DDC: variants seen among roughly 807,000 people sequenced by gnomAD.
The protein encoded by DDC is dopa decarboxylase.
DDC carries 43 observed loss-of-function variants against 60.0 expected under a neutral mutation model. The ratio of observed to expected loss-of-function variants is 0.72; its 90% CI spans 0.56 to 0.92. DDC has a LOEUF of 0.92. DDC is among the 40% of genes least tolerant of loss of function. The pLI is 0.00. For synonymous variants in DDC, 232 were observed against 234.6 expected (o/e 0.99, Z 0.10); for missense variants, 573 against 620.2 (o/e 0.92, Z 0.81).
At chr7:50,557,176 T>G (rs927302102) in intron 1 of DDC, among the ~76,000 whole-genome samples, 1 of 152,188 alleles carries the variant, frequency 6.6e-6, no homozygotes, top group African/African-American at 2.4e-5. Flanking sequence ...TCTGCTGACA[T>G]GAAGGAGGAA....
chr7:50,552,211 T>C (rs1423651236), intron 1 of DDC, among the ~76,000 whole-genome samples: 1 of 152,216 alleles, frequency 6.6e-6, no homozygotes, highest in Non-Finnish European at 1.5e-5. Flanking sequence ...TTGTGCTCAT[T>C]TGTAGCTGTT....
At chr7:50,540,195 T>C in intron 2 of DDC, 167 bp from the exon 3 acceptor site, 1 of 663,220 alleles carries the variant, frequency 1.5e-6, no homozygotes. Flanking sequence ...TCCTCCATTA[T>C]TTCGGAGCAT....
At chr7:50,552,843 A>G (rs1364336904) in intron 1 of DDC, among the ~76,000 whole-genome samples, 2 of 152,170 alleles carry the variant, frequency 1.3e-5, no homozygotes, top group Non-Finnish European at 2.9e-5. Context: ...CCAGCCCCTC[A>G]CATATTTGCC....
At chr7:50,486,994 C>T (rs189420417) in intron 9 of DDC, among the ~76,000 whole-genome samples, 7 of 152,308 alleles carry the variant, frequency 4.6e-5, no homozygotes, top group Non-Finnish European at 1.0e-4. Flanking sequence ...TACCCTCCCT[C>T]TTTCCCTCCA....
At chr7:50,548,388 G>A (rs1003393835) in intron 1 of DDC, among the ~76,000 whole-genome samples, 1 of 152,174 alleles carries the variant, frequency 6.6e-6, no homozygotes, top group Non-Finnish European at 1.5e-5. Context: ...GAAAGCAATG[G>A]AAAAGTTATT....
At chr7:50,466,208 A>T (rs2153533551) in intron 13 of DDC, among the ~76,000 whole-genome samples, 1 of 152,248 alleles carries the variant, frequency 6.6e-6, no homozygotes, top group African/African-American at 2.4e-5. Flanking sequence ...AAGCTACCTC[A>T]GCCGGGCGCA....
At chr7:50,460,941 A>T (rs1294549205) in intron 14 of DDC, among the ~76,000 whole-genome samples, 1 of 151,678 alleles carries the variant, frequency 6.6e-6, no homozygotes, top group Non-Finnish European at 1.5e-5. Flanking sequence ...CTGCATAGGA[A>T]AACCAGAGAC....
chr7:50,498,140 A>G lies in DDC; in HGVS notation c.876+1008T>C, dbSNP rs144864379. ...ATTAACTCATCTACTCCTGGCGACAATCCCACACCGGATGTATTCTTATGA... is the reference window on the plus strand; with the variant it reads ...ATTAACTCATCTACTCCTGGCGACAGTCCCACACCGGATGTATTCTTATGA... On this transcript the variant is annotated intron_variant, in intron 8 of 14. Transcript: ENST00000444124. 1.2e-4 allele frequency among the ~76,000 whole-genome samples: 19 copies of G among 152,350 alleles called. No individual in the cohort carries two copies. The East Asian group carries it at 3.7e-3, about 29-fold the overall frequency.
At chr7:50,461,774 A>G (rs1389822572) in intron 14 of DDC, among the ~76,000 whole-genome samples, 1 of 152,190 alleles carries the variant, frequency 6.6e-6, no homozygotes, top group Non-Finnish European at 1.5e-5. Flanking sequence ...GCCTCTCCCC[A>G]CTACCTTCCA....
At chr7:50,529,894 C>T (rs2044149500) in intron 4 of DDC, among the ~76,000 whole-genome samples, 1 of 152,098 alleles carries the variant, frequency 6.6e-6, no homozygotes, top group East Asian at 1.9e-4. Context: ...CAGATGTGAC[C>T]ATATTTGGAG....
chr7:50,538,673 A>G (rs1754080970), intron 3 of DDC, among the ~76,000 whole-genome samples: 1 of 152,236 alleles, frequency 6.6e-6, no homozygotes, highest in African/African-American at 2.4e-5. Flanking sequence ...GGTATCAGGC[A>G]ACGCAGCCTG....
intron 6 of DDC, among the ~76,000 whole-genome samples, chr7:50,510,920 G>T (rs1248691782): frequency 1.4e-5 from 2 of 142,724 alleles, no homozygotes; most frequent in Admixed American, 7.3e-5. Context: ...GGTGGAGTTT[G>T]CAGTGAGCCG....
intron 9 of DDC, chr7:50,492,737 G>A (rs944106223): frequency 1.4e-6 from 2 of 1,413,298 alleles, no homozygotes; most frequent in Non-Finnish European, 1.8e-6. Flanking sequence ...TGTGTCCTGT[G>A]TCTCTTCCCT....
intron 14 of DDC, among the ~76,000 whole-genome samples, chr7:50,459,455 C>T (rs1210293645): frequency 6.6e-6 from 1 of 151,820 alleles, no homozygotes; most frequent in African/African-American, 2.4e-5. Context: ...GCCTGGCTAC[C>T]CAGTCTGGAA....
intron 6 of DDC, among the ~76,000 whole-genome samples, chr7:50,507,886 G>A (rs1221717237): frequency 6.6e-6 from 1 of 152,184 alleles, no homozygotes; most frequent in East Asian, 1.9e-4. Context: ...AGTTAGATAT[G>A]CTCGTGATTC....
At chr7:50,467,101 G>T (rs2042415953) in intron 13 of DDC, 113 bp downstream of exon 13, 1 of 988,444 alleles carries the variant, frequency 1.0e-6, no homozygotes, top group Non-Finnish European at 1.6e-6. Context: ...TGCAGGCTTT[G>T]CTCTGCCATC....
chr7:50,514,429 C>A (rs1267217267), intron 6 of DDC, among the ~76,000 whole-genome samples: 4 of 152,076 alleles, frequency 2.6e-5, no homozygotes, highest in Admixed American at 2.6e-4. Flanking sequence ...CTTTTCAACA[C>A]CCCCCAAAAA....
Position 50,499,177 on chromosome 7 carries a change from C to G in DDC, c.847G>C (p.Glu283Gln). 1 of 1,613,996 alleles carries G rather than the reference C, an allele frequency of 6.2e-7. No homozygotes were observed. The highest frequency in any genetic ancestry group is 1.1e-5 in the South Asian group (1 of 91,072). ...ACTCCATTCAGAAGGTGCCGGAACT[C>G]AGGGCAGATGAATGCACTGCCTGCG... ...AYAGSAFICP[E>Q]FRHLLNGVEF... is the part of the protein sequence containing the mutation. Residue 283 changes from glutamate (E) to glutamine (Q), a missense_variant, in exon 8 of 15, where the codon GAG (glutamate) becomes CAG (glutamine). Coordinates refer to ENST00000444124, the MANE Select transcript of DDC (RefSeq NM_001082971.2).
intron 1 of DDC, among the ~76,000 whole-genome samples, chr7:50,559,072 T>C (rs780574215): frequency 3.9e-5 from 6 of 152,224 alleles, no homozygotes; most frequent in Admixed American, 1.3e-4. Flanking sequence ...ATAGTTGCCA[T>C]ATACAGGGCA....
Sources: gnomAD v4.1 joint callset for allele counts (sites outside exome capture counted in the v4.1 genomes callset) on GRCh38, gnomAD v4.1.1 for gene constraint, MANE v1.5 for transcripts, NCBI Gene and HGNC (gene_info 2026-07-23, HGNC 2026-07-21) for gene names.